Variants in PLCB1 observed in about 807,000 individuals in gnomAD.
PLCB1 encodes phospholipase C beta 1.
In PLCB1, 46 loss-of-function variants were observed where a neutral mutation model predicts 161.8. That is an observed-to-expected ratio of 0.28 (90% CI 0.22 to 0.36). The LOEUF is 0.36. PLCB1 is among the 10% of genes least tolerant of loss of function. PLCB1 has a pLI of 1.00. For synonymous variants in PLCB1, 517 were observed against 503.7 expected, an observed-to-expected ratio of 1.03 and a Z score of -0.35; for missense variants, 1,016 against 1,472.5, an observed-to-expected ratio of 0.69 and a Z score of 5.07.
chr20:8,161,348 G>A (rs907366876), intron 2 of PLCB1, among the ~76,000 whole-genome samples: 15 of 151,896 alleles, frequency 9.9e-5, no homozygotes, highest in African/African-American at 3.1e-4. Context: ...ATGCAATTTC[G>A]TCATTTCCAT....
chr20:8,381,033 G>C (rs1987236567), intron 3 of PLCB1, among the ~76,000 whole-genome samples: 1 of 152,158 alleles, frequency 6.6e-6, no homozygotes, highest in South Asian at 2.1e-4. Context: ...TTTTCACAGA[G>C]AATGCTTCCA....
At chr20:8,818,467 A>G (rs938662571) in intron 31 of PLCB1, among the ~76,000 whole-genome samples, 1 of 152,228 alleles carries the variant, frequency 6.6e-6, no homozygotes, top group Non-Finnish European at 1.5e-5. Context: ...AGAATAAATA[A>G]AAGATACAAT....
intron 3 of PLCB1, among the ~76,000 whole-genome samples, chr20:8,551,503 C>G (rs1044401615): frequency 4.6e-5 from 7 of 152,170 alleles, no homozygotes; most frequent in Non-Finnish European, 8.8e-5. Context: ...CTTTACCGTC[C>G]TGTGCGCATC....
intron 9 of PLCB1, among the ~76,000 whole-genome samples, chr20:8,677,879 A>G (rs1319184188): frequency 6.6e-6 from 1 of 152,202 alleles, no homozygotes; most frequent in African/African-American, 2.4e-5. Flanking sequence ...CTACTGACCA[A>G]TGTGCTCTAA....
chr20:8,791,557 T>C (rs1983758155), intron 31 of PLCB1, among the ~76,000 whole-genome samples: 1 of 152,202 alleles, frequency 6.6e-6, no homozygotes, highest in African/African-American at 2.4e-5. Flanking sequence ...ACTGACATAA[T>C]AGAATTTGCT....
At chr20:8,647,988 A>C in intron 6 of PLCB1, 35 bp downstream of exon 6, 1 of 1,443,438 alleles carries the variant, frequency 6.9e-7, no homozygotes, top group South Asian at 1.3e-5. Flanking sequence ...TATTCATTTT[A>C]TTTTCCTCAA....
At chr20:8,637,236 GC>G (rs1388186305) in intron 4 of PLCB1, among the ~76,000 whole-genome samples, 22 of 152,134 alleles carry the variant, frequency 1.4e-4, no homozygotes, top group Non-Finnish European at 2.8e-4. Context: ...GCCAAATGAT[GC>G]CCAATGAAAA....
intron 3 of PLCB1, among the ~76,000 whole-genome samples, chr20:8,564,457 A>G (rs959212304): frequency 2.6e-5 from 4 of 152,200 alleles, no homozygotes; most frequent in Non-Finnish European, 5.9e-5. Flanking sequence ...ACCAAAAGCA[A>G]TGGCAATAGA....
intron 9 of PLCB1, among the ~76,000 whole-genome samples, chr20:8,676,206 C>T (rs542840348): frequency 6.6e-6 from 1 of 152,230 alleles, no homozygotes; most frequent in East Asian, 1.9e-4. Context: ...ACGAAAAATA[C>T]AAAAATTAGC....
At chr20:8,715,061 G>A (rs762694333) in intron 12 of PLCB1, among the ~76,000 whole-genome samples, 42 of 152,008 alleles carry the variant, frequency 2.8e-4, no homozygotes, top group Admixed American at 5.9e-4. Context: ...GATTTTCATC[G>A]CTGTTACTTA....
intron 2 of PLCB1, among the ~76,000 whole-genome samples, chr20:8,244,620 T>C (rs1376572903): frequency 6.6e-6 from 1 of 151,820 alleles, no homozygotes; most frequent in Admixed American, 6.6e-5. Flanking sequence ...ATTTTGGAGA[T>C]GGAGATGTCT....
At chr20:8,133,380 G>A (rs2051312853) in intron 1 of PLCB1, among the ~76,000 whole-genome samples, 1 of 152,052 alleles carries the variant, frequency 6.6e-6, no homozygotes, top group Non-Finnish European at 1.5e-5. Context: ...GGGGGCCCTT[G>A]AGGGGTCCTG....
chr20:8,278,511 T>TATATAGGAA, intron 2 of PLCB1, among the ~76,000 whole-genome samples: 1 of 151,714 alleles, frequency 6.6e-6, no homozygotes, highest in Middle Eastern at 3.4e-3. Context: ...AAATGACAGA[T>TATATAGGAA]AATGCACTGG....
intron 3 of PLCB1, among the ~76,000 whole-genome samples, chr20:8,544,185 T>TA (rs989401232): frequency 3.3e-5 from 5 of 151,750 alleles, no homozygotes; most frequent in East Asian, 1.9e-4. Flanking sequence ...GTTGAAAATT[T>TA]AAAAAAAAGG....
At chr20:8,136,532 A>G (rs1188779154) in intron 1 of PLCB1, among the ~76,000 whole-genome samples, 4 of 151,760 alleles carry the variant, frequency 2.6e-5, no homozygotes, top group African/African-American at 9.7e-5. Flanking sequence ...AGGCTGAGGC[A>G]GGAGAATGGC....
chr20:8,520,951 G>T (rs970319561), intron 3 of PLCB1, among the ~76,000 whole-genome samples: 3 of 151,948 alleles, frequency 2.0e-5, no homozygotes, highest in African/African-American at 7.3e-5. Context: ...CCCTAGGCAG[G>T]GACTATGTTG....
intron 2 of PLCB1, among the ~76,000 whole-genome samples, chr20:8,178,683 G>C (rs559734522): frequency 2.6e-5 from 4 of 152,202 alleles, no homozygotes; most frequent in Non-Finnish European, 5.9e-5. Context: ...ATTGCTTTTG[G>C]CATCTTCGAC....
At chr20:8,707,334 A>G (rs901630997) in intron 11 of PLCB1, among the ~76,000 whole-genome samples, 1 of 152,200 alleles carries the variant, frequency 6.6e-6, no homozygotes, top group Non-Finnish European at 1.5e-5. Flanking sequence ...AGGCTCAGGC[A>G]TAAAGAATAG....
chr20:8,741,300 G>A (rs763709414), intron 22 of PLCB1, among the ~76,000 whole-genome samples, 164 bp from the exon 23 acceptor site: 3 of 152,208 alleles, frequency 2.0e-5, no homozygotes, highest in Non-Finnish European at 4.4e-5. Flanking sequence ...CAGAAGAATG[G>A]AAGATGGATA....
Sources: allele counts gnomAD v4.1 joint callset (sites outside exome capture counted in the v4.1 genomes callset), GRCh38; gene constraint gnomAD v4.1.1; transcripts MANE v1.5; gene names NCBI Gene and HGNC (gene_info 2026-07-23, HGNC 2026-07-21).